The following SLC8A1 variants were observed in gnomAD, a reference collection of about 807,000 sequenced individuals.
SLC8A1 encodes sodium/calcium exchanger 1.
A neutral mutation model predicts 68.3 loss-of-function variants in SLC8A1; 18 were observed. The ratio of observed to expected loss-of-function variants is 0.26; its 90% CI spans 0.18 to 0.39. The LOEUF is 0.39. Among genes scored for constraint, SLC8A1 ranks in the 10% least tolerant of loss-of-function variants. The probability of loss-of-function intolerance (pLI) is 1.00; values close to 1 mark genes in which losing one functional copy is unlikely to be tolerated. For synonymous variants in SLC8A1, 475 were observed against 415.5 expected (o/e 1.14, Z -1.74); for missense variants, 985 against 1,156.7 (o/e 0.85, Z 2.15).
At chr2:40,482,907 C>T (rs1343279305) in intron 1 of SLC8A1, among the ~76,000 whole-genome samples, 1 of 150,924 alleles carries the variant, frequency 6.6e-6, no homozygotes, top group African/African-American at 2.4e-5. Flanking sequence ...TCTCCCGCCT[C>T]AGCCTCCCGA....
intron 6 of SLC8A1, among the ~76,000 whole-genome samples, chr2:40,151,500 GT>G (rs756968083): frequency 7.9e-5 from 12 of 151,450 alleles, no homozygotes; most frequent in South Asian, 2.1e-4. Context: ...GGTTGTTGTT[GT>G]TTTTTTTTAT....
chr2:40,152,347 A>T (rs975655421), intron 6 of SLC8A1, among the ~76,000 whole-genome samples: 3 of 152,174 alleles, frequency 2.0e-5, no homozygotes, highest in African/African-American at 7.2e-5. Context: ...AACAACAGAT[A>T]AATAGAGTTA....
exon 5 of SLC8A1, chr2:40,164,961 G>C (rs147643725): frequency 1.8e-5 from 29 of 1,613,910 alleles, no homozygotes; most frequent in Non-Finnish European, 2.4e-5. Context: ...TTGCTGGTCA[G>C]TGGCTGCTTG....
exon 8 of SLC8A1, chr2:40,111,127 A>G (rs187012081): frequency 6.6e-6 from 1 of 152,300 alleles, no homozygotes; most frequent in East Asian, 1.9e-4. Context: ...GCAACAAAAA[A>G]TTAGTGCTAT....
At chr2:40,202,831 A>G (rs980950294) in intron 2 of SLC8A1, among the ~76,000 whole-genome samples, 1 of 152,028 alleles carries the variant, frequency 6.6e-6, no homozygotes, top group East Asian at 1.9e-4. Flanking sequence ...GCCTGCAAGC[A>G]TGTGTTCATA....
chr2:40,157,705 A>G (rs2044826416), intron 6 of SLC8A1, among the ~76,000 whole-genome samples: 1 of 152,182 alleles, frequency 6.6e-6, no homozygotes, highest in African/African-American at 2.4e-5. Flanking sequence ...ATGCTGGCAC[A>G]CTTTAACAGC....
At chr2:40,460,629 G>T (rs565611398) in intron 1 of SLC8A1, among the ~76,000 whole-genome samples, 9 of 151,398 alleles carry the variant, frequency 5.9e-5, no homozygotes, top group African/African-American at 2.2e-4. Context: ...GCCCAGGCTG[G>T]AATGCAGTGG....
chr2:40,396,748 TA>T (rs368483768), intron 2 of SLC8A1, among the ~76,000 whole-genome samples: 177 of 87,010 alleles, frequency 2.0e-3, no homozygotes, highest in African/African-American at 7.1e-3. Flanking sequence ...CTCTAATAAC[TA>T]AAAAAAAAAA....
intron 1 of SLC8A1, among the ~76,000 whole-genome samples, chr2:40,496,425 A>T (rs1705705786): frequency 6.6e-6 from 1 of 152,084 alleles, no homozygotes. Flanking sequence ...TTGGATCAAG[A>T]TCTGAATAAT....
chr2:40,197,507 ATTAAT>A (rs1269716222), intron 2 of SLC8A1, among the ~76,000 whole-genome samples: 1 of 152,000 alleles, frequency 6.6e-6, no homozygotes, highest in African/African-American at 2.4e-5. Context: ...AGCCTAGGAA[ATTAAT>A]TTAATTAAGC....
At chr2:40,199,673 T>C (rs773079614) in intron 2 of SLC8A1, among the ~76,000 whole-genome samples, 24 of 151,936 alleles carry the variant, frequency 1.6e-4, no homozygotes, top group Middle Eastern at 3.4e-3. Context: ...ATCTATGTCC[T>C]CAAAATTCCT....
intron 2 of SLC8A1, among the ~76,000 whole-genome samples, chr2:40,333,306 C>T (rs1315493801): frequency 1.3e-5 from 2 of 151,874 alleles, no homozygotes; most frequent in Admixed American, 1.3e-4. Flanking sequence ...GGTGTGGTGG[C>T]ATGTGCCTGT....
intron 2 of SLC8A1, among the ~76,000 whole-genome samples, chr2:40,231,090 C>T (rs188941169): frequency 1.3e-5 from 2 of 152,288 alleles, no homozygotes. Flanking sequence ...TACATTCTCC[C>T]TGGCCTGCTT....
chr2:40,426,442 T>C (rs1696870804), intron 2 of SLC8A1, among the ~76,000 whole-genome samples: 1 of 152,046 alleles, frequency 6.6e-6, no homozygotes, highest in Non-Finnish European at 1.5e-5. Flanking sequence ...ATAGGATGAA[T>C]GTTTTAAATG....
chr2:40,333,431 C>G (rs2076636433), intron 2 of SLC8A1, among the ~76,000 whole-genome samples: 1 of 131,446 alleles, frequency 7.6e-6, no homozygotes, highest in African/African-American at 3.2e-5. Context: ...GAGCGAGACT[C>G]CGTCTCAAAA....
chr2:40,128,216 G>A (rs2038557152), intron 7 of SLC8A1, among the ~76,000 whole-genome samples: 1 of 152,152 alleles, frequency 6.6e-6, no homozygotes. Context: ...AATTGAGTTA[G>A]CATTTTATTT....
At position 40,277,513 on chromosome 2, in the gene SLC8A1, C is replaced by G. The variant is rs189186826; in HGVS notation, c.1809-99658G>C. 5.5e-3 allele frequency among the ~76,000 whole-genome samples: 837 copies of G among 151,878 alleles called. 6 individuals are homozygous for G. Among genetic ancestry groups the G allele is most frequent in the Non-Finnish European group, 8.4e-3 (568 of 67,944 alleles). On this transcript the variant is annotated intron_variant, in intron 2 of 7. Transcript: ENST00000406785. ...TGAGATACGACCACTGCCCTCCAGCCTGGGCAACAGAGTGAGACTCTGTCT... is the reference window on the plus strand; with the variant it reads ...TGAGATACGACCACTGCCCTCCAGCGTGGGCAACAGAGTGAGACTCTGTCT...
At chr2:40,272,108 C>T (rs2066115577) in intron 2 of SLC8A1, among the ~76,000 whole-genome samples, 1 of 152,082 alleles carries the variant, frequency 6.6e-6, no homozygotes, top group South Asian at 2.1e-4. Flanking sequence ...GTCGCAAATG[C>T]TCCTCCCACC....
chr2:40,245,936 C>T (rs1323214207), intron 2 of SLC8A1, among the ~76,000 whole-genome samples: 1 of 152,124 alleles, frequency 6.6e-6, no homozygotes, highest in Non-Finnish European at 1.5e-5. Flanking sequence ...AGGAACTTGA[C>T]CAAGGTTACA....
Sources: gnomAD v4.1 joint callset for allele counts (sites outside exome capture counted in the v4.1 genomes callset) on GRCh38, gnomAD v4.1.1 for gene constraint, MANE v1.5 for transcripts, NCBI Gene and HGNC (gene_info 2026-07-23, HGNC 2026-07-21) for gene names.